The following INTS9 variants were observed in gnomAD, a reference collection of about 807,000 sequenced individuals.
INTS9 encodes protein related to CPSF subunits of 74 kDa.
INTS9 carries 55 observed loss-of-function variants against 79.7 expected under a neutral mutation model. The ratio of observed to expected loss-of-function variants is 0.69; its 90% CI spans 0.56 to 0.86. The LOEUF is 0.86. INTS9 is among the 40% of genes least tolerant of loss of function. The pLI, the probability that INTS9 is intolerant of heterozygous loss-of-function variation, is 0.00. For synonymous variants in INTS9, 319 were observed against 325.2 expected (o/e 0.98, Z 0.20); for missense variants, 721 against 831.5 (o/e 0.87, Z 1.64).
At chr8:28,881,741 C>G (rs1226387910) in intron 1 of INTS9, among the ~76,000 whole-genome samples, 1 of 148,110 alleles carries the variant, frequency 6.8e-6, no homozygotes, top group African/African-American at 2.5e-5. Flanking sequence ...CCGCCCCGTC[C>G]GGGAGGTGAG....
intron 6 of INTS9, among the ~76,000 whole-genome samples, chr8:28,821,778 CTGT>C (rs1805848186): frequency 1.4e-5 from 2 of 145,774 alleles, no homozygotes; most frequent in South Asian, 4.3e-4. Flanking sequence ...TTTTTCGCTG[CTGT>C]TGTTTTTAGA....
chr8:28,803,048 G>C (rs1241247770), intron 8 of INTS9, among the ~76,000 whole-genome samples: 1 of 152,112 alleles, frequency 6.6e-6, no homozygotes, highest in Non-Finnish European at 1.5e-5. Context: ...TAGAGTTTGA[G>C]GTTGCAGTGA....
intron 11 of INTS9, among the ~76,000 whole-genome samples, chr8:28,782,234 T>G (rs1803310777): frequency 6.6e-6 from 1 of 152,242 alleles, no homozygotes; most frequent in Non-Finnish European, 1.5e-5. Context: ...ACTCTTCCTT[T>G]ATAAGCTGCC....
chr8:28,861,606 AT>A (rs954813394), intron 1 of INTS9, among the ~76,000 whole-genome samples: 4 of 152,248 alleles, frequency 2.6e-5, no homozygotes, highest in African/African-American at 9.6e-5. Flanking sequence ...CAGAAAAAAA[AT>A]GTGATTAAAA....
intron 1 of INTS9, among the ~76,000 whole-genome samples, chr8:28,865,002 CAA>C (rs1425544551): frequency 1.4e-3 from 194 of 140,218 alleles, no homozygotes; most frequent in South Asian, 6.2e-3. Context: ...AAAAAAAAAA[CAA>C]AGTTTCAACT....
intron 14 of INTS9, among the ~76,000 whole-genome samples, chr8:28,772,991 AGAG>A (rs981679039): frequency 2.6e-5 from 4 of 152,272 alleles, no homozygotes; most frequent in African/African-American, 9.6e-5. Flanking sequence ...CACTCATTCT[AGAG>A]GACAAGCTGG....
At chr8:28,878,046 T>C (rs1206611358) in intron 1 of INTS9, among the ~76,000 whole-genome samples, 2 of 152,220 alleles carry the variant, frequency 1.3e-5, no homozygotes, top group African/African-American at 2.4e-5. Flanking sequence ...TCATTAGGTA[T>C]AGGTATGCAG....
intron 1 of INTS9, among the ~76,000 whole-genome samples, chr8:28,885,378 C>T (rs1433407175): frequency 1.3e-5 from 2 of 152,168 alleles, no homozygotes; most frequent in African/African-American, 4.8e-5. Context: ...CAGGCCCCTC[C>T]CAAAGGATTA....
At chr8:28,808,952 CT>C (rs10712912) in intron 8 of INTS9, among the ~76,000 whole-genome samples, 28,490 of 144,392 alleles carry the variant, frequency 0.2, 3,217 homozygotes, top group East Asian at 0.46. Flanking sequence ...GCCATTATAA[CT>C]TTTTTTTTTT....
chr8:28,785,998 GTCACTACTGTCCCCTCCCCTCCAGGA>G (rs1432248832), intron 11 of INTS9, among the ~76,000 whole-genome samples: 1 of 152,094 alleles, frequency 6.6e-6, no homozygotes, highest in Non-Finnish European at 1.5e-5. Context: ...TCCCCTTCCT[GTCACTACTGTCCCCTCCCCTCCAGGA>G]TCACTACCAC....
chr8:28,794,761 T>A (rs1563255775), intron 9 of INTS9, among the ~76,000 whole-genome samples: 1 of 152,194 alleles, frequency 6.6e-6, no homozygotes, highest in African/African-American at 2.4e-5. Context: ...CTTCTGGAAG[T>A]CTCCTTTCCC....
intron 10 of INTS9, 28 bp downstream of exon 10, chr8:28,793,779 C>CACAAA: frequency 8.4e-7 from 1 of 1,188,008 alleles, no homozygotes; most frequent in Admixed American, 2.7e-5. Context: ...ATAAAATTCA[C>CACAAA]AAAAAAAAAA....
At chr8:28,795,467 T>C (rs1182662525) in intron 9 of INTS9, among the ~76,000 whole-genome samples, 2 of 151,482 alleles carry the variant, frequency 1.3e-5, no homozygotes, top group Non-Finnish European at 2.9e-5. Flanking sequence ...TAGTGAAACC[T>C]TGTCTCTACT....
At chr8:28,834,998 A>G (rs1278610500) in intron 6 of INTS9, among the ~76,000 whole-genome samples, 1 of 152,184 alleles carries the variant, frequency 6.6e-6, no homozygotes, top group East Asian at 1.9e-4. Context: ...CTTCTAAGAC[A>G]TGCCATGCAA....
At chr8:28,772,445 A>G (rs1401875698) in intron 14 of INTS9, among the ~76,000 whole-genome samples, 2 of 152,138 alleles carry the variant, frequency 1.3e-5, no homozygotes, top group Admixed American at 6.5e-5. Context: ...CCCGGGAGGC[A>G]GAGGTTGCAG....
chr8:28,794,588 A>G (rs1265145625), intron 9 of INTS9, among the ~76,000 whole-genome samples: 1 of 152,182 alleles, frequency 6.6e-6, no homozygotes, highest in Non-Finnish European at 1.5e-5. Context: ...CCTGTCTCAA[A>G]TCCTACCTTT....
chr8:28,826,685 T>C (rs1176584803), intron 6 of INTS9, among the ~76,000 whole-genome samples: 1 of 152,222 alleles, frequency 6.6e-6, no homozygotes. Flanking sequence ...ACTTCTATCT[T>C]GCTCGCTTTC....
intron 12 of INTS9, among the ~76,000 whole-genome samples, chr8:28,778,572 G>GCAGCCC (rs1803044398): frequency 6.6e-6 from 1 of 152,148 alleles, no homozygotes; most frequent in African/African-American, 2.4e-5. Context: ...ATGCTCCCCA[G>GCAGCCC]CAGCCCCAGC....
chr8:28,873,803 T>C lies in INTS9; in HGVS notation c.10-14240A>G, dbSNP rs529840713. On this transcript the variant is annotated intron_variant, in intron 1 of 16. Coordinates refer to ENST00000521022, the MANE Select transcript of INTS9 (RefSeq NM_018250.4). Reference sequence around the variant, plus strand: ...ACATGTCGATGTGACTGAGAATATGTATTTATCAGTTCTGGAAGAAGAGGA... The same window carrying C: ...ACATGTCGATGTGACTGAGAATATGCATTTATCAGTTCTGGAAGAAGAGGA... Among the ~76,000 whole-genome samples, 21 of 152,328 alleles carry C rather than the reference T, an allele frequency of 1.4e-4. 3 individuals are homozygous for C. The South Asian group carries it at 4.1e-3, about 30-fold the overall frequency.
Sources: gnomAD v4.1 joint callset for allele counts (sites outside exome capture counted in the v4.1 genomes callset) on GRCh38, gnomAD v4.1.1 for gene constraint, MANE v1.5 for transcripts, NCBI Gene and HGNC (gene_info 2026-07-23, HGNC 2026-07-21) for gene names.